Variants in AR observed in about 807,000 individuals in gnomAD.
The protein encoded by AR is dihydrotestosterone receptor.
A neutral mutation model predicts 53.9 loss-of-function variants in AR; 8 were observed. The ratio of observed to expected loss-of-function variants is 0.15; its 90% CI spans 0.09 to 0.27. The LOEUF (loss-of-function observed/expected upper bound fraction) is 0.27. AR is among the 10% of genes least tolerant of loss of function. The pLI, the probability that AR is intolerant of heterozygous loss-of-function variation, is 1.00. For missense variants in AR, 639 were observed against 742.5 expected, an observed-to-expected ratio of 0.86 and a Z score of 1.62; for synonymous variants, 359 against 316.4, an observed-to-expected ratio of 1.13 and a Z score of -1.43.
intron 3 of AR, 81 bp from the exon 4 acceptor site, chrX:67,711,321 G>A (rs2147523801): frequency 9.6e-7 from 1 of 1,044,144 alleles, no homozygotes; most frequent in Non-Finnish European, 1.3e-6. Context: ...TCTTAGCTAG[G>A]GCAGTTTTTC....
At chrX:67,703,020 G>C (rs1010033724) in intron 3 of AR, among the ~76,000 whole-genome samples, 15 of 111,476 alleles carry the variant, frequency 1.3e-4, no homozygotes, top group Non-Finnish European at 1.9e-4. Flanking sequence ...TGAGGCTACA[G>C]TGAGCTTTGA....
At chrX:67,631,809 G>A (rs1448681032) in intron 1 of AR, among the ~76,000 whole-genome samples, 2 of 112,218 alleles carry the variant, frequency 1.8e-5, no homozygotes, top group Non-Finnish European at 3.8e-5. Flanking sequence ...ATGTACAGAT[G>A]GGTTTTTGGT....
Position 67,599,322 on chromosome X carries a change from T to C in AR, c.1617-43934T>C, listed in dbSNP as rs183479121. 8.0e-5 allele frequency among the ~76,000 whole-genome samples: 9 copies of C among 112,124 alleles called. No homozygotes were observed. The Admixed American group carries it at 8.5e-4, about 11-fold the overall frequency. On this transcript the variant is annotated intron_variant, in intron 1 of 7. Coordinates refer to ENST00000374690, the MANE Select transcript of AR (RefSeq NM_000044.6). The stretch of plus-strand genomic sequence containing the variant: ...TGCATGGAAAATGCAGGATGTTTAG[T>C]AAATAGATTCATGGCGTAGTGAGTT...
At position 67,545,370 on chromosome X, in the gene AR, A is replaced by AGCAGCG; in HGVS notation, c.229_230insGGCAGC (p.Gln76_Gln77insArgGln). 1 of 1,187,618 alleles carries AGCAGCG rather than the reference A, an allele frequency of 8.4e-7. No homozygotes were observed. Among genetic ancestry groups the AGCAGCG allele is most frequent in the East Asian group, 3.0e-5 (1 of 33,031 alleles). On this transcript the variant is annotated inframe_insertion, in exon 1 of 8. Transcript: ENST00000374690. ...CAGCAGCAGCAGCAGCAGCAGCAGC[A>AGCAGCG]GCAGCAGCAGCAGCAAGAGACTAGC...
At chrX:67,558,941 A>C (rs1369588038) in intron 1 of AR, among the ~76,000 whole-genome samples, 1 of 112,288 alleles carries the variant, frequency 8.9e-6, no homozygotes, top group Non-Finnish European at 1.9e-5. Flanking sequence ...ACAAGATTAG[A>C]GAACAAGTAA....
intron 4 of AR, among the ~76,000 whole-genome samples, 183 bp downstream of exon 4, chrX:67,711,872 G>A (rs2076095437): frequency 8.9e-6 from 1 of 112,106 alleles, no homozygotes; most frequent in Non-Finnish European, 1.9e-5. Flanking sequence ...AACTCAGAAA[G>A]CAAAGAGAAA....
chrX:67,578,438 T>C (rs1011448832), intron 1 of AR, among the ~76,000 whole-genome samples: 2 of 111,797 alleles, frequency 1.8e-5, no homozygotes, highest in African/African-American at 6.5e-5. Context: ...TTAAGCAATT[T>C]ATATTGGTGA....
chrX:67,656,431 C>G (rs1031239758), intron 2 of AR, among the ~76,000 whole-genome samples: 4 of 111,094 alleles, frequency 3.6e-5, no homozygotes, highest in Non-Finnish European at 7.5e-5. Flanking sequence ...TGAAACAATC[C>G]TAACCAAGAC....
intron 1 of AR, among the ~76,000 whole-genome samples, chrX:67,620,264 T>A (rs757702061): frequency 2.8e-5 from 3 of 106,372 alleles, no homozygotes; most frequent in Non-Finnish European, 5.8e-5. Context: ...TAGGTTTTGG[T>A]TTTTTTTTTC....
At chrX:67,602,919 T>C (rs922105573) in intron 1 of AR, among the ~76,000 whole-genome samples, 2 of 112,245 alleles carry the variant, frequency 1.8e-5, no homozygotes, top group African/African-American at 6.5e-5. Flanking sequence ...GCATTTATCC[T>C]CTCATGATTC....
chrX:67,730,419 G>A lies in AR; in HGVS notation c.*6578G>A, dbSNP rs2076175124. ...TGTTGGACTACATGTGTGACTTTGG[G>A]TCTGTCTCTGCCTCTGCTTTCAGAA... On this transcript the variant is annotated 3_prime_UTR_variant, in exon 8 of 8. Coordinates refer to ENST00000374690, the MANE Select transcript of AR (RefSeq NM_000044.6). 1 of 171,800 alleles carries A rather than the reference G, an allele frequency of 5.8e-6. No homozygotes were observed. Among genetic ancestry groups the A allele is most frequent in the South Asian group, 3.2e-4 (1 of 3,144 alleles). 14.2% of individuals were successfully genotyped at this position (171,800 alleles called of 1,213,427 possible). A position where few individuals can be genotyped will look rare whatever the true frequency, so the allele number is the denominator to read the frequency against.
At chrX:67,631,618 C>T (rs985138298) in intron 1 of AR, among the ~76,000 whole-genome samples, 1 of 112,165 alleles carries the variant, frequency 8.9e-6, no homozygotes, top group Non-Finnish European at 1.9e-5. Flanking sequence ...ATTTGATTGT[C>T]TGAAGCCTTC....
intron 2 of AR, among the ~76,000 whole-genome samples, chrX:67,675,789 CT>C (rs1226560861): frequency 1.8e-5 from 2 of 111,738 alleles, no homozygotes; most frequent in Non-Finnish European, 3.8e-5. Context: ...TATGAAGGTG[CT>C]TTTTTGTGTG....
In AR at chrX:67,727,131, G is replaced by A. The variant is rs1292370557; in HGVS notation, c.*3290G>A. 1 of 171,750 alleles carries A rather than the reference G, an allele frequency of 5.8e-6. No homozygotes were observed. Among genetic ancestry groups the A allele is most frequent in the Non-Finnish European group, 1.1e-5 (1 of 89,597 alleles). The allele number at this position is 171,750 out of a possible 1,213,427, so 14.2% of individuals were successfully genotyped here. On this transcript the variant is annotated 3_prime_UTR_variant, in exon 8 of 8. Transcript: ENST00000374690. ...CTCGCCTAGGCCCAGCCTCTGAGCT[G>A]ACATGGGAGTTGTTGGATTCTTTGT...
chrX:67,548,512 C>G (rs1929862572), intron 1 of AR, among the ~76,000 whole-genome samples: 1 of 111,033 alleles, frequency 9.0e-6, no homozygotes, highest in Non-Finnish European at 1.9e-5. Context: ...CTACTGTAAA[C>G]TTTTCTTGGG....
At chrX:67,613,474 C>G (rs1041431970) in intron 1 of AR, among the ~76,000 whole-genome samples, 2 of 111,459 alleles carry the variant, frequency 1.8e-5, no homozygotes, top group Non-Finnish European at 3.8e-5. Flanking sequence ...ATACTAGTAA[C>G]AACAAGCAAA....
intron 1 of AR, among the ~76,000 whole-genome samples, chrX:67,631,573 C>T (rs1239949773): frequency 9.0e-6 from 1 of 111,671 alleles, no homozygotes; most frequent in Non-Finnish European, 1.9e-5. Context: ...AACTTCTTTG[C>T]CTTTGGTTTG....
intron 2 of AR, among the ~76,000 whole-genome samples, chrX:67,682,805 T>G (rs1326680843): frequency 8.9e-6 from 1 of 111,970 alleles, no homozygotes; most frequent in African/African-American, 3.2e-5. Flanking sequence ...CTTGAGAGAT[T>G]GCCTGTTCCA....
intron 1 of AR, among the ~76,000 whole-genome samples, chrX:67,642,553 C>G (rs1925836566): frequency 9.0e-6 from 1 of 111,181 alleles, no homozygotes; most frequent in African/African-American, 3.3e-5. Flanking sequence ...ACAGAAGCTT[C>G]AGGCATAGGG....
Sources: gnomAD v4.1 joint callset for allele counts (sites outside exome capture counted in the v4.1 genomes callset) on GRCh38, gnomAD v4.1.1 for gene constraint, MANE v1.5 for transcripts, NCBI Gene and HGNC (gene_info 2026-07-23, HGNC 2026-07-21) for gene names.